Variants in NKAIN3 observed in about 807,000 individuals in gnomAD.
NKAIN3 encodes the protein sodium/potassium-transporting ATPase subunit beta-1-interacting protein 3.
A neutral mutation model predicts 30.2 loss-of-function variants in NKAIN3; 25 were observed. The observed-to-expected ratio is 0.83, with a 90% CI of 0.60 to 1.16. The LOEUF (loss-of-function observed/expected upper bound fraction) is 1.16, where lower values mean the gene tolerates loss of function less well. Ranked by LOEUF, NKAIN3 falls within the 50% of genes most tolerant of loss-of-function variation. The pLI, the probability that NKAIN3 is intolerant of heterozygous loss-of-function variation, is 0.00. For missense variants in NKAIN3, 225 were observed against 254.1 expected, an observed-to-expected ratio of 0.89 and a Z score of 0.78; for synonymous variants, 91 against 89.6, an observed-to-expected ratio of 1.02 and a Z score of -0.09.
At chr8:62,603,331 A>G (rs920897646) in intron 3 of NKAIN3, among the ~76,000 whole-genome samples, 17 of 152,276 alleles carry the variant, frequency 1.1e-4, no homozygotes, top group Non-Finnish European at 7.4e-5. Flanking sequence ...AAACCAGAAT[A>G]GCAGTGTGTA....
At chr8:62,928,537 T>C (rs4134468) in intron 5 of NKAIN3, among the ~76,000 whole-genome samples, 82,391 of 152,044 alleles carry the variant, frequency 0.54, 22,640 homozygotes, top group East Asian at 0.71. Flanking sequence ...GGCTCTTCAC[T>C]AAGCCCGTTT....
intron 1 of NKAIN3, among the ~76,000 whole-genome samples, chr8:62,414,342 A>G (rs1204267013): frequency 6.6e-6 from 1 of 152,238 alleles, no homozygotes; most frequent in African/African-American, 2.4e-5. Context: ...TATGGTTGTC[A>G]AGACACTTGA....
At chr8:62,995,681 A>AG (rs76746695) in intron 5 of NKAIN3, among the ~76,000 whole-genome samples, 29,660 of 152,200 alleles carry the variant, frequency 0.19, 3,000 homozygotes, top group East Asian at 0.41. Context: ...AAAAGGCTAG[A>AG]TGACATAAGA....
At chr8:62,345,405 A>G (rs1430024447) in intron 1 of NKAIN3, among the ~76,000 whole-genome samples, 1 of 131,674 alleles carries the variant, frequency 7.6e-6, no homozygotes, top group Non-Finnish European at 1.7e-5. Flanking sequence ...ATATACACAT[A>G]TATGTATATA....
intron 1 of NKAIN3, among the ~76,000 whole-genome samples, chr8:62,451,130 C>G (rs1805625257): frequency 1.3e-5 from 2 of 152,270 alleles, no homozygotes; most frequent in Middle Eastern, 3.4e-3. Context: ...TCACCCATGA[C>G]TATGGTTATA....
chr8:62,824,491 AACACACACACACACACACAC>A (rs6150612), intron 4 of NKAIN3, among the ~76,000 whole-genome samples: 4 of 148,716 alleles, frequency 2.7e-5, no homozygotes, highest in South Asian at 2.2e-4. Context: ...CCACCTCTTC[AACACACACACACACACACAC>A]ACACACACAC....
At chr8:62,399,101 C>CA (rs889230849) in intron 1 of NKAIN3, among the ~76,000 whole-genome samples, 4 of 150,952 alleles carry the variant, frequency 2.6e-5, no homozygotes, top group Admixed American at 6.6e-5. Context: ...AAAAAACAAA[C>CA]AAAAAAAAAT....
chr8:62,617,728 T>C (rs1563485744), intron 3 of NKAIN3, among the ~76,000 whole-genome samples: 1 of 152,190 alleles, frequency 6.6e-6, no homozygotes, highest in Non-Finnish European at 1.5e-5. Context: ...AAGATTAAGA[T>C]TATAGTCATT....
chr8:62,509,357 A>G (rs1275099596), intron 1 of NKAIN3, among the ~76,000 whole-genome samples: 1 of 152,116 alleles, frequency 6.6e-6, no homozygotes, highest in African/African-American at 2.4e-5. Flanking sequence ...ATCCAGGAAG[A>G]GTTCCATCCG....
chr8:62,506,476 C>CTTTCTTT (rs71559373), intron 1 of NKAIN3, among the ~76,000 whole-genome samples: 7 of 98,452 alleles, frequency 7.1e-5, no homozygotes, highest in African/African-American at 2.1e-4. Context: ...TTCTTTCTTT[C>CTTTCTTT]TTTTTTTTTT....
At chr8:62,454,551 A>T (rs971875700) in intron 1 of NKAIN3, among the ~76,000 whole-genome samples, 16 of 152,284 alleles carry the variant, frequency 1.1e-4, no homozygotes, top group Admixed American at 8.5e-4. Flanking sequence ...ACTGTCATTC[A>T]TGCCCACATG....
In NKAIN3 at chr8:62,877,138, T is replaced by C. The variant is rs534076451; in HGVS notation, c.472-41315T>C. Among the ~76,000 whole-genome samples, 50 of 152,224 alleles carry C rather than the reference T, an allele frequency of 3.3e-4. 1 individual carries two copies. In the South Asian group the frequency reaches 0.01, roughly 31 times the overall value. ...GATGAAGGTGCCAGCTCCCACAGTG[T>C]TGCACATGGCCAGGGTGGTCTCACG... is the stretch of plus-strand genomic sequence containing the variant. On this transcript the variant is annotated intron_variant, in intron 4 of 6. Coordinates refer to ENST00000623646, the MANE Select transcript of NKAIN3 (RefSeq NM_001304533.3).
rs139086401 is a variant in NKAIN3 at position 62,711,369 on chromosome 8, C to T, written c.274-35563C>T. Among the ~76,000 whole-genome samples the T allele has an allele frequency of 3.4e-3, 522 of 152,150 alleles. 15 individuals are homozygous for T. The East Asian group carries it at 0.069, about 20-fold the overall frequency. The stretch of plus-strand genomic sequence containing the variant: ...GAATTCTCTTTTTCCTCAGGAACAC[C>T]GATTATTCTTAGGTTTGGTCATTTA... On this transcript the variant is annotated intron_variant, in intron 3 of 6. Coordinates refer to ENST00000623646, the MANE Select transcript of NKAIN3 (RefSeq NM_001304533.3).
intron 4 of NKAIN3, among the ~76,000 whole-genome samples, chr8:62,905,652 G>T (rs1821752392): frequency 6.6e-6 from 1 of 152,058 alleles, no homozygotes; most frequent in African/African-American, 2.4e-5. Flanking sequence ...GACCACTGAT[G>T]TCTTCCACTG....
At chr8:62,432,753 T>C (rs540110878) in intron 1 of NKAIN3, among the ~76,000 whole-genome samples, 1 of 152,218 alleles carries the variant, frequency 6.6e-6, no homozygotes, top group South Asian at 2.1e-4. Flanking sequence ...AACCTGAACA[T>C]GAAGTAATGA....
chr8:62,513,437 A>T (rs1481899509), intron 1 of NKAIN3, among the ~76,000 whole-genome samples: 4 of 152,134 alleles, frequency 2.6e-5, no homozygotes, highest in Non-Finnish European at 4.4e-5. Flanking sequence ...AATGAGTGAG[A>T]AAAGCTCCAT....
At position 62,528,324 on chromosome 8, in the gene NKAIN3, AAT is replaced by A. The variant is rs1164587773; in HGVS notation, c.55-51206_55-51205del. On this transcript the variant is annotated intron_variant, in intron 1 of 6. Transcript: ENST00000623646. ...ATTATATTATATATATATATTATAT[AAT>A]ATATATATTATATAATATATATATA... is the stretch of plus-strand genomic sequence containing the variant. Among the ~76,000 whole-genome samples, 26 of 73,354 alleles carry A rather than the reference AAT, an allele frequency of 3.5e-4. 1 individual carries two copies. Among genetic ancestry groups the A allele is most frequent in the African/African-American group, 1.4e-3 (22 of 16,258 alleles). 48.1% of individuals were successfully genotyped at this position (73,354 alleles called of 152,430 possible). A position where few individuals can be genotyped will look rare whatever the true frequency, so the allele number is the denominator to read the frequency against.
At chr8:62,922,892 A>G (rs1822325728) in intron 5 of NKAIN3, among the ~76,000 whole-genome samples, 1 of 152,146 alleles carries the variant, frequency 6.6e-6, no homozygotes, top group Non-Finnish European at 1.5e-5. Flanking sequence ...TAGCTACACA[A>G]TGACTAGCTA....
rs1822479509 is a variant in NKAIN3 at position 62,927,252 on chromosome 8, C to T, written c.532+8739C>T. Among the ~76,000 whole-genome samples the T allele has an allele frequency of 1.3e-5, 2 of 152,188 alleles. 1 individual carries two copies. The highest frequency in any genetic ancestry group is 4.1e-4 in the South Asian group (2 of 4,824). On this transcript the variant is annotated intron_variant, in intron 5 of 6. Coordinates refer to ENST00000623646, the MANE Select transcript of NKAIN3 (RefSeq NM_001304533.3). ...CTGTCTCAGAGGCCAGCAGGGACTT[C>T]CTAATTGTCAAGTTCTCTTGGATCT...
Sources: gnomAD v4.1 joint callset for allele counts (sites outside exome capture counted in the v4.1 genomes callset) on GRCh38, gnomAD v4.1.1 for gene constraint, MANE v1.5 for transcripts, NCBI Gene and HGNC (gene_info 2026-07-23, HGNC 2026-07-21) for gene names.